RPS6KA5: variants seen among roughly 807,000 people sequenced by gnomAD.
The protein encoded by RPS6KA5 is ribosomal protein S6 kinase A5, also known as ribosomal protein S6 kinase alpha-5.
A neutral mutation model predicts 85.5 loss-of-function variants in RPS6KA5; 27 were observed. The observed-to-expected ratio is 0.32, with a 90% CI of 0.23 to 0.44. The LOEUF (loss-of-function observed/expected upper bound fraction) is 0.44, where lower values mean the gene tolerates loss of function less well. Among genes scored for constraint, RPS6KA5 ranks in the 20% least tolerant of loss-of-function variants. RPS6KA5 has a pLI of 1.00. For synonymous variants in RPS6KA5, 334 were observed against 348.2 expected (o/e 0.96, Z 0.46); for missense variants, 811 against 980.9 (o/e 0.83, Z 2.31).
chr14:90,981,123 A>C (rs2039773275), intron 2 of RPS6KA5, among the ~76,000 whole-genome samples: 2 of 152,236 alleles, frequency 1.3e-5, no homozygotes, highest in African/African-American at 4.8e-5. Context: ...GTGAGCCGAG[A>C]GCGTGCCATC....
chr14:91,054,365 G>A (rs767725470), intron 1 of RPS6KA5, among the ~76,000 whole-genome samples: 51 of 152,154 alleles, frequency 3.4e-4, no homozygotes, highest in South Asian at 4.1e-4. Flanking sequence ...GGCCAGGAGC[G>A]GTGGCTCACA....
chr14:90,978,571 C>A, intron 2 of RPS6KA5, 47 bp from the exon 3 acceptor site: 2 of 1,411,086 alleles, frequency 1.4e-6, no homozygotes, highest in Middle Eastern at 1.9e-4. Flanking sequence ...GCTACACAGG[C>A]AAAATGGTAA....
At chr14:91,058,392 T>A (rs1484314676) in intron 1 of RPS6KA5, among the ~76,000 whole-genome samples, 1 of 152,226 alleles carries the variant, frequency 6.6e-6, no homozygotes, top group Non-Finnish European at 1.5e-5. Flanking sequence ...AAACTAGCAT[T>A]GTTTGCAAAA....
At chr14:90,908,294 C>A (rs2035620767) in intron 7 of RPS6KA5, among the ~76,000 whole-genome samples, 1 of 152,182 alleles carries the variant, frequency 6.6e-6, no homozygotes, top group Non-Finnish European at 1.5e-5. Flanking sequence ...GCAGGGACCA[C>A]ACTGGGAGAA....
At position 90,850,578 on chromosome 14, in the gene RPS6KA5, C is replaced by G. The variant is rs1195085536; in HGVS notation, c.*21496G>C. 6.6e-6 allele frequency: 1 copy of G among 151,956 alleles called. No individual in the cohort carries two copies. The highest frequency in any genetic ancestry group is 2.4e-5 in the African/African-American group (1 of 41,362). The allele number at this position is 151,956 out of a possible 1,614,324, so 9.4% of individuals were successfully genotyped here. A position where few individuals can be genotyped will look rare whatever the true frequency, so the allele number is the denominator to read the frequency against. On this transcript the variant is annotated 3_prime_UTR_variant, in exon 17 of 17. Transcript: ENST00000614987. Reference sequence around the variant, plus strand: ...TTCTGAAATAACCCATGATTAGCTCCAAGTTTTAGAAAGTTCTTGAACAAA... The same window carrying G: ...TTCTGAAATAACCCATGATTAGCTCGAAGTTTTAGAAAGTTCTTGAACAAA...
At chr14:90,895,174 GGCCTGGCACACCCATCCAA>G (rs1177887129) in intron 12 of RPS6KA5, among the ~76,000 whole-genome samples, 3 of 24,028 alleles carry the variant, frequency 1.2e-4, no homozygotes, top group African/African-American at 6.9e-4. Context: ...ACCCATCCAA[GGCCTGGCACACCCATCCAA>G]TGGCAAATTA....
At chr14:91,034,911 T>C (rs754796747) in intron 1 of RPS6KA5, among the ~76,000 whole-genome samples, 6 of 151,500 alleles carry the variant, frequency 4.0e-5, no homozygotes, top group Non-Finnish European at 7.4e-5. Context: ...GCACATAGTA[T>C]GTACCACAAA....
chr14:90,930,304 G>C (rs1042809845), intron 5 of RPS6KA5, among the ~76,000 whole-genome samples: 1 of 152,158 alleles, frequency 6.6e-6, no homozygotes, highest in Non-Finnish European at 1.5e-5. Context: ...GTTGCATTTC[G>C]AATAAGAAGA....
At position 90,853,679 on chromosome 14, in the gene RPS6KA5, A is replaced by ACC. The variant is rs2032129204; in HGVS notation, c.*18394_*18395insGG. ...TCTCTACTAAAAATACAAAAAAAAA[A>ACC]AAAAAAACCCTAAAATTTAACACTA... On this transcript the variant is annotated 3_prime_UTR_variant, in exon 17 of 17. Transcript: ENST00000614987. 1 of 149,684 alleles carries ACC rather than the reference A, an allele frequency of 6.7e-6. No individual in the cohort carries two copies. The highest frequency in any genetic ancestry group is 1.5e-5 in the Non-Finnish European group (1 of 66,934). 9.3% of individuals were successfully genotyped at this position (149,684 alleles called of 1,614,324 possible).
chr14:90,972,635 C>G lies in RPS6KA5; in HGVS notation c.394+5671G>C, dbSNP rs530512685. Among the ~76,000 whole-genome samples, 21 of 152,258 alleles carry G rather than the reference C, an allele frequency of 1.4e-4. 1 individual carries two copies. The highest frequency in any genetic ancestry group is 5.2e-4 in the Admixed American group (8 of 15,280). ...TCTCTATGCAAAAAATAAAACCATG[C>G]AAGTACTGGAAGAAGACATCAGTTA... On this transcript the variant is annotated intron_variant, in intron 3 of 16. Transcript: ENST00000614987.
intron 3 of RPS6KA5, among the ~76,000 whole-genome samples, chr14:90,967,304 A>G (rs1316815454): frequency 6.6e-6 from 1 of 152,224 alleles, no homozygotes; most frequent in Non-Finnish European, 1.5e-5. Context: ...ACTGCAAAAT[A>G]TTAATATAAA....
chr14:90,988,855 T>C (rs909054478), intron 2 of RPS6KA5, among the ~76,000 whole-genome samples: 1 of 152,098 alleles, frequency 6.6e-6, no homozygotes, highest in African/African-American at 2.4e-5. Context: ...AATATAATCT[T>C]TCCATTTGAC....
chr14:90,987,309 C>T (rs1403959747), intron 2 of RPS6KA5, among the ~76,000 whole-genome samples: 1 of 152,132 alleles, frequency 6.6e-6, no homozygotes, highest in Non-Finnish European at 1.5e-5. Flanking sequence ...AGTCATCATA[C>T]TTTTTAAAAC....
At chr14:91,028,883 T>A (rs1180176108) in intron 1 of RPS6KA5, among the ~76,000 whole-genome samples, 1 of 152,214 alleles carries the variant, frequency 6.6e-6, no homozygotes, top group Non-Finnish European at 1.5e-5. Flanking sequence ...ATAGAGGTAT[T>A]TATCTTCATA....
At chr14:90,952,535 A>G (rs555439104) in intron 3 of RPS6KA5, among the ~76,000 whole-genome samples, 1 of 152,358 alleles carries the variant, frequency 6.6e-6, no homozygotes, top group African/African-American at 2.4e-5. Flanking sequence ...ATCTATTCAA[A>G]CAGCTCATTT....
intron 3 of RPS6KA5, among the ~76,000 whole-genome samples, chr14:90,967,904 CTTT>C (rs1373678801): frequency 1.3e-5 from 2 of 152,176 alleles, no homozygotes; most frequent in African/African-American, 4.8e-5. Flanking sequence ...TGTCTTTCTT[CTTT>C]ATTTTACTGC....
chr14:91,000,318 T>C (rs1015947219), intron 2 of RPS6KA5, among the ~76,000 whole-genome samples: 1 of 152,220 alleles, frequency 6.6e-6, no homozygotes, highest in African/African-American at 2.4e-5. Context: ...TAGAGATCCA[T>C]GTTCCATTTA....
chr14:90,875,301 G>A lies in RPS6KA5; in HGVS notation c.1896C>T (p.Thr632=), dbSNP rs1425541997. The A allele has an allele frequency of 3.1e-6, 5 of 1,613,760 alleles. No individual in the cohort carries two copies. The highest frequency in any genetic ancestry group is 1.7e-5 in the Admixed American group (1 of 59,978). Residue 632 remains threonine, a synonymous_variant, in exon 15 of 17, where the codon ACC becomes ACT. Coordinates refer to ENST00000614987, the MANE Select transcript of RPS6KA5 (RefSeq NM_004755.4). ...TTTTCTTCATGATTTCCACCGCGCT[G>A]GTACACGTCAAACTTCGGTCATGAG... is the stretch of plus-strand genomic sequence containing the variant. ...FQSHDRSLTC[T]SAVEIMKKIK...
chr14:90,960,776 C>G (rs2038756543), intron 3 of RPS6KA5, among the ~76,000 whole-genome samples: 2 of 152,208 alleles, frequency 1.3e-5, no homozygotes, highest in Non-Finnish European at 2.9e-5. Context: ...TCTGTCATTT[C>G]TTCCACAAAA....
Sources: gnomAD v4.1 joint callset for allele counts (sites outside exome capture counted in the v4.1 genomes callset) on GRCh38, gnomAD v4.1.1 for gene constraint, MANE v1.5 for transcripts, NCBI Gene and HGNC (gene_info 2026-07-23, HGNC 2026-07-21) for gene names.